DLG5: variants seen among roughly 807,000 people sequenced by gnomAD.
DLG5 encodes discs large MAGUK scaffold protein 5.
A neutral mutation model predicts 189.8 loss-of-function variants in DLG5; 48 were observed. The observed-to-expected ratio is 0.25, with a 90% CI of 0.20 to 0.32. DLG5 has a LOEUF of 0.32. DLG5 is among the 10% of genes least tolerant of loss of function. The probability of loss-of-function intolerance (pLI) is 1.00; values close to 1 mark genes in which losing one functional copy is unlikely to be tolerated. For synonymous variants in DLG5, 1,016 were observed against 1,054.1 expected, an observed-to-expected ratio of 0.96 and a Z score of 0.70; for missense variants, 2,160 against 2,544.7, an observed-to-expected ratio of 0.85 and a Z score of 3.25.
chr10:77,897,054 T>C (rs1224065401), intron 1 of DLG5, among the ~76,000 whole-genome samples: 1 of 150,032 alleles, frequency 6.7e-6, no homozygotes, highest in South Asian at 2.1e-4. Context: ...GAAAAAAAAA[T>C]AGGCATCAAA....
rs374133458 is a variant in DLG5 at position 77,830,825 on chromosome 10, C to A, written c.1797G>T (p.Leu599=). Reference sequence around the variant, plus strand: ...CCGAGTCGTGGGAGCTGTGGGCCATCAGCTGTCGGAACCGGGCCTCCTTTT... The same window carrying A: ...CCGAGTCGTGGGAGCTGTGGGCCATAAGCTGTCGGAACCGGGCCTCCTTTT... The part of the protein sequence containing the change: ...QLEKEARFRQ[L]MAHSSHDSAI... Residue 599 remains leucine (L), a synonymous_variant, in exon 10 of 32, where the codon CTG becomes CTT. Coordinates refer to ENST00000372391, the MANE Select transcript of DLG5 (RefSeq NM_004747.4). 2 of 1,614,086 alleles carry A rather than the reference C, an allele frequency of 1.2e-6. No homozygotes were observed. Among genetic ancestry groups the A allele is most frequent in the African/African-American group, 1.3e-5 (1 of 74,918 alleles).
intron 1 of DLG5, among the ~76,000 whole-genome samples, chr10:77,886,891 G>A (rs150732533): frequency 2.5e-4 from 38 of 152,276 alleles, no homozygotes; most frequent in Middle Eastern, 3.4e-3. Context: ...GAACTGCACG[G>A]AGAACATGGC....
chr10:77,844,919 GAGAC>G (rs1843611272), intron 5 of DLG5, among the ~76,000 whole-genome samples: 1 of 152,126 alleles, frequency 6.6e-6, no homozygotes, highest in Admixed American at 6.5e-5. Flanking sequence ...GCGTGTTCTA[GAGAC>G]AGAGAGGGGC....
chr10:77,820,029 A>G lies in DLG5; in HGVS notation c.3403-11T>C, dbSNP rs557936484. On this transcript the variant is annotated splice_polypyrimidine_tract_variant and intron_variant, in intron 15 of 31. Coordinates refer to ENST00000372391, the MANE Select transcript of DLG5 (RefSeq NM_004747.4). The stretch of plus-strand genomic sequence containing the variant: ...GACACACTTCTGTTCCTGCAGATGC[A>G]AGGGCAAGAGTGTCTGCTAGAAAGA... 4.3e-6 allele frequency: 7 copies of G among 1,612,804 alleles called. No homozygotes were observed. In the African/African-American group the frequency reaches 5.3e-5, roughly 12 times the overall value.
intron 1 of DLG5, among the ~76,000 whole-genome samples, chr10:77,925,727 A>T (rs1330743915): frequency 1.3e-5 from 2 of 152,202 alleles, no homozygotes; most frequent in African/African-American, 2.4e-5. Flanking sequence ...CTGAGCAGAG[A>T]AAAAGGAGCT....
At chr10:77,869,423 C>A in intron 1 of DLG5, 1 of 507,264 alleles carries the variant, frequency 2.0e-6, no homozygotes, top group South Asian at 2.4e-5. Context: ...TCTGGGCAGG[C>A]GGGCAGAGGG....
Position 77,856,643 on chromosome 10 carries a change from C to T in DLG5, c.536+87G>A, listed in dbSNP as rs1844242545. The T allele has an allele frequency of 5.2e-6, 8 of 1,538,352 alleles. No individual in the cohort carries two copies. In the South Asian group the frequency reaches 9.7e-5, roughly 19 times the overall value. ...GCAGCGCAGCCTGGACCCCCAGGAGCCAGGGGTGTTTGGGGGTGACAGCAC... is the reference window on the plus strand; with the variant it reads ...GCAGCGCAGCCTGGACCCCCAGGAGTCAGGGGTGTTTGGGGGTGACAGCAC... On this transcript the variant is annotated intron_variant, in intron 3 of 31. Coordinates refer to ENST00000372391, the MANE Select transcript of DLG5 (RefSeq NM_004747.4).
At chr10:77,885,871 G>C (rs1449589818) in intron 1 of DLG5, among the ~76,000 whole-genome samples, 1 of 152,238 alleles carries the variant, frequency 6.6e-6, no homozygotes, top group Non-Finnish European at 1.5e-5. Flanking sequence ...AGTGCCAGGA[G>C]TGAAACAAGC....
chr10:77,928,128 C>A (rs1388561410), upstream of DLG5: 1 of 152,210 alleles, frequency 6.6e-6, no homozygotes, highest in African/African-American at 2.4e-5. Context: ...TGGACTTGGA[C>A]TCCCCTCTAA....
chr10:77,836,670 G>C (rs1462756584), intron 7 of DLG5, among the ~76,000 whole-genome samples: 2 of 152,270 alleles, frequency 1.3e-5, no homozygotes, highest in East Asian at 3.9e-4. Context: ...GAAAACACCT[G>C]GAGTCAGTTG....
chr10:77,890,328 T>A (rs1845569639), intron 1 of DLG5, among the ~76,000 whole-genome samples: 1 of 152,144 alleles, frequency 6.6e-6, no homozygotes, highest in African/African-American at 2.4e-5. Flanking sequence ...CCAAGCCTCT[T>A]GTGCTCGTCA....
intron 26 of DLG5, among the ~76,000 whole-genome samples, 160 bp downstream of exon 26, chr10:77,806,598 C>A (rs1171684799): frequency 6.6e-6 from 1 of 152,190 alleles, no homozygotes; most frequent in Non-Finnish European, 1.5e-5. Context: ...GCTTTTTAGA[C>A]CAGCACTTTT....
chr10:77,829,420 C>T lies in DLG5; in HGVS notation c.2120G>A (p.Arg707Gln). 4 of 1,614,250 alleles carry T rather than the reference C, an allele frequency of 2.5e-6. No individual in the cohort carries two copies. Among genetic ancestry groups the T allele is most frequent in the Non-Finnish European group, 3.4e-6 (4 of 1,180,054 alleles). Residue 707 changes from arginine (R) to glutamine (Q), a missense_variant, in exon 12 of 32, where the codon CGG (arginine) becomes CAG (glutamine). Transcript: ENST00000372391. ...CTTCCCACCCAGGGACTTCCTCCGC[C>T]GCACGACCATGTTGATGGCCCCCTC... is the stretch of plus-strand genomic sequence containing the variant. ...NGEGAINMVV[R>Q]RRKSLGGKVV...
chr10:77,912,821 G>A (rs1846261656), intron 1 of DLG5, among the ~76,000 whole-genome samples: 1 of 152,200 alleles, frequency 6.6e-6, no homozygotes, highest in Admixed American at 6.5e-5. Context: ...CTCACGCAAA[G>A]CAAGGTGAGG....
rs35116526 is a variant in DLG5, at chr10:77,906,617, C to CTTT, written c.304+19597_304+19599dup. Among the ~76,000 whole-genome samples the CTTT allele has an allele frequency of 1.3e-4, 13 of 102,172 alleles. 2 individuals are homozygous for CTTT. Among genetic ancestry groups the CTTT allele is most frequent in the South Asian group, 3.8e-4 (1 of 2,598 alleles). The allele number at this position is 102,172 out of a possible 152,430, so 67.0% of individuals were successfully genotyped here. A position where few individuals can be genotyped will look rare whatever the true frequency, so the allele number is the denominator to read the frequency against. Reference sequence around the variant, plus strand: ...TGGGCAGCAACAGTGCTGCGCTCCACTTTTTTTTTTTTTTTTTTTTTTCCT... The same window carrying CTTT: ...TGGGCAGCAACAGTGCTGCGCTCCACTTTTTTTTTTTTTTTTTTTTTTTTTCCT... On this transcript the variant is annotated intron_variant, in intron 1 of 31. Coordinates refer to ENST00000372391, the MANE Select transcript of DLG5 (RefSeq NM_004747.4).
intron 1 of DLG5, among the ~76,000 whole-genome samples, chr10:77,891,271 G>A (rs910218576): frequency 1.1e-4 from 16 of 152,160 alleles, no homozygotes; most frequent in African/African-American, 3.9e-4. Context: ...AATTGGCTTC[G>A]CACTCTGCTG....
Position 77,805,669 on chromosome 10 carries a change from A to G in DLG5, c.5160T>C (p.Phe1720=), listed in dbSNP as rs1314201100. 1.9e-6 allele frequency: 3 copies of G among 1,605,726 alleles called. No homozygotes were observed. In the African/African-American group the frequency reaches 4.0e-5, roughly 21 times the overall value. The change falls in exon 27 of 32, where the codon TTT becomes TTC. Residue 1720 remains phenylalanine, a synonymous_variant. Coordinates refer to ENST00000372391, the MANE Select transcript of DLG5 (RefSeq NM_004747.4). The part of the protein sequence containing the change: ...DAFSSDSIPL[F]EDSVSLAYQR... ...AAAATGAGCTCAGCCACTTGCCTTC[A>G]AAGAGTGGAATGGAGTCACTGGAAA...
intron 5 of DLG5, among the ~76,000 whole-genome samples, chr10:77,846,556 G>C (rs1328216176): frequency 6.6e-6 from 1 of 151,986 alleles, no homozygotes; most frequent in Non-Finnish European, 1.5e-5. Context: ...AATTAGCCGG[G>C]TGTGGTGGCA....
intron 1 of DLG5, among the ~76,000 whole-genome samples, chr10:77,887,806 G>T (rs1189818777): frequency 1.3e-5 from 2 of 152,178 alleles, no homozygotes; most frequent in Non-Finnish European, 2.9e-5. Context: ...TCACATTTCA[G>T]AAAAACAAAG....
Sources: allele counts gnomAD v4.1 joint callset (sites outside exome capture counted in the v4.1 genomes callset), GRCh38; gene constraint gnomAD v4.1.1; transcripts MANE v1.5; gene names NCBI Gene and HGNC (gene_info 2026-07-23, HGNC 2026-07-21).